The following LAMA3 variants were observed in gnomAD, a reference collection of about 807,000 sequenced individuals.
LAMA3 encodes the protein laminin subunit alpha 3.
In LAMA3, 281 loss-of-function variants were observed where a neutral mutation model predicts 402.0. The ratio of observed to expected loss-of-function variants is 0.70; its 90% confidence interval spans 0.63 to 0.77. LAMA3 has a LOEUF of 0.77. Ranked by LOEUF, LAMA3 falls within the 30% of genes least tolerant of loss-of-function variation. The pLI, the probability that LAMA3 is intolerant of heterozygous loss-of-function variation, is 0.00. For missense variants in LAMA3, 3,840 were observed against 4,215.5 expected (o/e 0.91, Z 2.47); for synonymous variants, 1,431 against 1,558.4 (o/e 0.92, Z 1.93).
chr18:23,749,941 C>A (rs1477527041), intron 4 of LAMA3, among the ~76,000 whole-genome samples: 1 of 152,178 alleles, frequency 6.6e-6, no homozygotes, highest in African/African-American at 2.4e-5. Flanking sequence ...TTTCTCTATA[C>A]TGTCTCTTCC....
rs916719474 is a variant in LAMA3, at chr18:23,747,885, G to C, written c.448-58G>C. ...TGGGAATCAGCATCACATAGAGATGGTAGAAGCTGTGAATCGATGAGATGA... is the reference window on the plus strand; with the variant it reads ...TGGGAATCAGCATCACATAGAGATGCTAGAAGCTGTGAATCGATGAGATGA... On this transcript the variant is annotated intron_variant, in intron 2 of 74. Transcript: ENST00000313654. 5.1e-6 allele frequency: 5 copies of C among 985,386 alleles called. No homozygotes were observed. In the African/African-American group the frequency reaches 6.4e-5, roughly 13 times the overall value. The allele number at this position is 985,386 out of a possible 1,614,324, so 61.0% of individuals were successfully genotyped here.
intron 25 of LAMA3, 128 bp downstream of exon 25, chr18:23,837,217 T>C (rs2144551788): frequency 1.4e-6 from 1 of 710,210 alleles, no homozygotes; most frequent in African/African-American, 1.8e-5. Context: ...CAGTTTAATG[T>C]TTATTCTTCC....
chr18:23,943,736 C>G, intron 68 of LAMA3, 52 bp from the exon 69 acceptor site: 1 of 1,558,252 alleles, frequency 6.4e-7, no homozygotes, highest in East Asian at 2.2e-5. Context: ...TGCTGAGATT[C>G]GAAGGAACGC....
chr18:23,934,963 C>T (rs773077252), intron 67 of LAMA3, among the ~76,000 whole-genome samples: 2 of 152,216 alleles, frequency 1.3e-5, no homozygotes, highest in Non-Finnish European at 2.9e-5. Context: ...AAATATACTT[C>T]ATAAATCCAG....
chr18:23,868,105 A>G (rs2064410578), intron 37 of LAMA3, among the ~76,000 whole-genome samples, 188 bp downstream of exon 37: 2 of 152,172 alleles, frequency 1.3e-5, no homozygotes, highest in African/African-American at 2.4e-5. Flanking sequence ...AACGCAAACT[A>G]TTTTGAGCAC....
At chr18:23,844,700 A>T (rs188030737) in intron 29 of LAMA3, among the ~76,000 whole-genome samples, 2 of 152,140 alleles carry the variant, frequency 1.3e-5, no homozygotes, top group East Asian at 3.8e-4. Context: ...ACAGGTTGAA[A>T]ATCTCTTATC....
At chr18:23,878,451 C>T (rs1363122286) in intron 39 of LAMA3, among the ~76,000 whole-genome samples, 5 of 152,224 alleles carry the variant, frequency 3.3e-5, no homozygotes, top group East Asian at 3.9e-4. Flanking sequence ...CCTACACTCA[C>T]GAGGCTTGCT....
intron 12 of LAMA3, among the ~76,000 whole-genome samples, chr18:23,793,343 T>C (rs1260470422): frequency 6.6e-6 from 1 of 151,624 alleles, no homozygotes; most frequent in Non-Finnish European, 1.5e-5. Context: ...GGAGGGGCAG[T>C]CCCTCCAGGG....
intron 4 of LAMA3, among the ~76,000 whole-genome samples, chr18:23,750,628 A>G (rs2061733015): frequency 6.6e-6 from 1 of 152,004 alleles, no homozygotes; most frequent in Non-Finnish European, 1.5e-5. Context: ...ATAGTGTTAC[A>G]GTCCCACAAC....
At chr18:23,777,935 G>A (rs2143928910) in intron 11 of LAMA3, among the ~76,000 whole-genome samples, 1 of 152,330 alleles carries the variant, frequency 6.6e-6, no homozygotes, top group South Asian at 2.1e-4. Flanking sequence ...CCCTGAAAAA[G>A]GAATGGAGAG....
intron 2 of LAMA3, among the ~76,000 whole-genome samples, chr18:23,733,320 A>G (rs1443372040): frequency 1.3e-5 from 2 of 152,234 alleles, no homozygotes; most frequent in Non-Finnish European, 2.9e-5. Flanking sequence ...TAATTTATAA[A>G]GAAAAAGAGG....
intron 2 of LAMA3, among the ~76,000 whole-genome samples, chr18:23,739,701 T>C (rs909257384): frequency 6.6e-6 from 1 of 152,198 alleles, no homozygotes; most frequent in African/African-American, 2.4e-5. Flanking sequence ...TGGAGTGTTA[T>C]GGAGGGTATG....
At chr18:23,917,303 C>T (rs1285169395) in intron 60 of LAMA3, among the ~76,000 whole-genome samples, 1 of 152,116 alleles carries the variant, frequency 6.6e-6, no homozygotes, top group African/African-American at 2.4e-5. Context: ...CATGTCTTTG[C>T]CGTTGTGAAT....
At chr18:23,789,930 A>C (rs2062618475) in intron 12 of LAMA3, among the ~76,000 whole-genome samples, 1 of 152,234 alleles carries the variant, frequency 6.6e-6, no homozygotes, top group African/African-American at 2.4e-5. Flanking sequence ...TGTCAGCCTT[A>C]TCTCTGTAAA....
At position 23,909,166 on chromosome 18, in the gene LAMA3, C is replaced by T. The variant is rs549269760; in HGVS notation, c.7029C>T (p.Thr2343=). Residue 2343 remains threonine (T), a synonymous_variant, in exon 55 of 75, where the codon ACC becomes ACT. Transcript: ENST00000313654. ...TDADNSVNKL[T]NKLPDLWRKI... ...TCTCACCAACAGTGAATAAGTTAACCAACAAACTACCTGATCTTTGGCGCA... is the reference window on the plus strand; with the variant it reads ...TCTCACCAACAGTGAATAAGTTAACTAACAAACTACCTGATCTTTGGCGCA... 38 of 1,613,898 alleles carry T rather than the reference C, an allele frequency of 2.4e-5. 1 individual carries two copies. The South Asian group carries it at 4.2e-4, about 18-fold the overall frequency.
At chr18:23,734,259 A>G (rs911288297) in intron 2 of LAMA3, among the ~76,000 whole-genome samples, 2 of 152,152 alleles carry the variant, frequency 1.3e-5, no homozygotes, top group Non-Finnish European at 2.9e-5. Flanking sequence ...GGTATTCTGA[A>G]TGTCCTGTGT....
At chr18:23,874,499 A>T (rs1042374873) in intron 38 of LAMA3, among the ~76,000 whole-genome samples, 9 of 152,250 alleles carry the variant, frequency 5.9e-5, no homozygotes, top group Non-Finnish European at 1.2e-4. Context: ...TTAAAGGAAC[A>T]TTATATTGGA....
At chr18:23,814,082 ATTG>A (rs771130123) in intron 14 of LAMA3, among the ~76,000 whole-genome samples, 24 of 152,252 alleles carry the variant, frequency 1.6e-4, no homozygotes, top group Non-Finnish European at 4.4e-5. Context: ...TTCTATTTAA[ATTG>A]GTAGTCTATG....
chr18:23,730,208 T>C (rs2061368177), intron 2 of LAMA3, among the ~76,000 whole-genome samples: 3 of 152,158 alleles, frequency 2.0e-5, no homozygotes. Context: ...TTATTTTGTG[T>C]GCAAACCTCA....
Sources: allele counts gnomAD v4.1 joint callset (sites outside exome capture counted in the v4.1 genomes callset), GRCh38; gene constraint gnomAD v4.1.1; transcripts MANE v1.5; gene names NCBI Gene and HGNC (gene_info 2026-07-23, HGNC 2026-07-21).